Variants in LRRC7 observed in about 807,000 individuals in gnomAD.
The protein encoded by LRRC7 is leucine rich repeat containing 7, also known as leucine-rich repeat-containing protein 7.
In LRRC7, 23 loss-of-function variants were observed where a neutral mutation model predicts 175.7. That is an observed-to-expected ratio of 0.13 (90% CI 0.09 to 0.19). LRRC7 has a LOEUF of 0.19. Ranked by LOEUF, LRRC7 falls within the 10% of genes least tolerant of loss-of-function variation. LRRC7 has a pLI of 1.00. For missense variants in LRRC7, 1,354 were observed against 1,904.7 expected, an observed-to-expected ratio of 0.71 and a Z score of 5.38; for synonymous variants, 685 against 680.9, an observed-to-expected ratio of 1.01 and a Z score of -0.09.
At chr1:69,712,822 G>T (rs1411072649) in intron 2 of LRRC7, among the ~76,000 whole-genome samples, 2 of 152,132 alleles carry the variant, frequency 1.3e-5, no homozygotes, top group Non-Finnish European at 2.9e-5. Flanking sequence ...AAGGAGTGGG[G>T]TGATGATGTC....
chr1:69,780,949 A>G (rs191879104), intron 3 of LRRC7, among the ~76,000 whole-genome samples: 114 of 152,272 alleles, frequency 7.5e-4, no homozygotes, highest in African/African-American at 2.4e-3. Context: ...ATTCGCACAC[A>G]ACTAATACTT....
intron 1 of LRRC7, among the ~76,000 whole-genome samples, chr1:69,662,946 G>C (rs1475211439): frequency 2.0e-5 from 3 of 152,158 alleles, no homozygotes; most frequent in South Asian, 2.1e-4. Context: ...CTTGAATTCA[G>C]AGCCAAATAA....
At chr1:69,855,423 T>C (rs1376619618) in intron 7 of LRRC7, among the ~76,000 whole-genome samples, 3 of 152,194 alleles carry the variant, frequency 2.0e-5, no homozygotes, top group Non-Finnish European at 4.4e-5. Context: ...AGTTTCCATG[T>C]AGTTGAGCGG....
chr1:69,901,241 G>T (rs1216934044), intron 7 of LRRC7, among the ~76,000 whole-genome samples: 2 of 152,110 alleles, frequency 1.3e-5, no homozygotes, highest in Non-Finnish European at 2.9e-5. Context: ...CAGTGGCAGA[G>T]GGGATGAAAA....
At chr1:70,061,977 G>A (rs970938) in intron 23 of LRRC7, among the ~76,000 whole-genome samples, 3,704 of 152,232 alleles carry the variant, frequency 0.024, 177 homozygotes, top group African/African-American at 0.086. Flanking sequence ...TCCAAGTTAG[G>A]ACAGGTTAGG....
chr1:69,621,337 C>T (rs752255381), intron 1 of LRRC7, among the ~76,000 whole-genome samples: 8 of 152,160 alleles, frequency 5.3e-5, no homozygotes, highest in Non-Finnish European at 1.2e-4. Flanking sequence ...TGAGCCACCG[C>T]ACCCAGCCTC....
At chr1:69,747,576 C>A (rs1669393274) in intron 2 of LRRC7, among the ~76,000 whole-genome samples, 1 of 152,122 alleles carries the variant, frequency 6.6e-6, no homozygotes, top group Non-Finnish European at 1.5e-5. Flanking sequence ...TCTGAGCATG[C>A]TTTTTTCATT....
intron 2 of LRRC7, among the ~76,000 whole-genome samples, chr1:69,707,764 T>TA (rs955171361): frequency 7.9e-5 from 12 of 152,276 alleles, no homozygotes. Flanking sequence ...TAGGTAAAGT[T>TA]AGAGTCATAG....
At chr1:69,908,452 G>T (rs1646401299) in intron 7 of LRRC7, among the ~76,000 whole-genome samples, 1 of 151,818 alleles carries the variant, frequency 6.6e-6, no homozygotes, top group African/African-American at 2.4e-5. Flanking sequence ...CAGAGATTCT[G>T]GTATGTTGTG....
At chr1:69,909,526 A>ATT (rs1228510574) in intron 7 of LRRC7, among the ~76,000 whole-genome samples, 1 of 151,990 alleles carries the variant, frequency 6.6e-6, no homozygotes, top group Non-Finnish European at 1.5e-5. Context: ...TCCTTCACTT[A>ATT]TGAAGCTTAG....
chr1:69,993,362 C>G (rs977031071), intron 10 of LRRC7, among the ~76,000 whole-genome samples: 2 of 152,134 alleles, frequency 1.3e-5, no homozygotes, highest in African/African-American at 4.8e-5. Context: ...GAATACATAA[C>G]AGAGCATACT....
chr1:69,835,732 T>C (rs1681026612), intron 6 of LRRC7, among the ~76,000 whole-genome samples: 1 of 152,032 alleles, frequency 6.6e-6, no homozygotes, highest in South Asian at 2.1e-4. Flanking sequence ...AAGTTTATTG[T>C]TATTTACAAT....
chr1:69,893,367 T>A (rs1322074439), intron 7 of LRRC7, among the ~76,000 whole-genome samples: 2 of 152,212 alleles, frequency 1.3e-5, no homozygotes, highest in African/African-American at 2.4e-5. Context: ...AACAATGCTT[T>A]CAAAAATATG....
intron 2 of LRRC7, among the ~76,000 whole-genome samples, chr1:69,739,269 A>G (rs1198428174): frequency 6.6e-6 from 1 of 152,050 alleles, no homozygotes; most frequent in Non-Finnish European, 1.5e-5. Context: ...TACAAACCAT[A>G]CAGTTTTTCC....
chr1:69,995,156 C>T (rs993801192), intron 11 of LRRC7, among the ~76,000 whole-genome samples: 1 of 152,020 alleles, frequency 6.6e-6, no homozygotes, highest in African/African-American at 2.4e-5. Flanking sequence ...CTAACATTGC[C>T]TTTTAAAGAT....
intron 7 of LRRC7, among the ~76,000 whole-genome samples, chr1:69,853,270 C>CTTTTTTTTT (rs1163071175): frequency 7.5e-4 from 66 of 88,002 alleles, no homozygotes; most frequent in Non-Finnish European, 9.8e-4. Flanking sequence ...TCCTTTCTTT[C>CTTTTTTTTT]TTTTTTTTTT....
intron 3 of LRRC7, among the ~76,000 whole-genome samples, chr1:69,770,014 G>A (rs1672048050): frequency 6.6e-6 from 1 of 152,132 alleles, no homozygotes; most frequent in African/African-American, 2.4e-5. Context: ...CAGGAACCAA[G>A]AGAGTTCTAG....
chr1:69,908,757 G>A (rs1254036868), intron 7 of LRRC7, among the ~76,000 whole-genome samples: 9 of 132,852 alleles, frequency 6.8e-5, no homozygotes, highest in African/African-American at 2.7e-4. Flanking sequence ...TTGATTTGGG[G>A]TGGAGAGTTC....
Position 69,753,290 on chromosome 1 carries a change from G to A in LRRC7, c.101-6901G>A, listed in dbSNP as rs574812208. On this transcript the variant is annotated intron_variant, in intron 2 of 26. Coordinates refer to ENST00000651989, the MANE Select transcript of LRRC7 (RefSeq NM_001370785.2). ...CTTTACATAAATCATTGTCGTGTGT[G>A]TGTGTATGTGTGTGTGTGTGTGTGT... Among the ~76,000 whole-genome samples, 78 of 123,858 alleles carry A rather than the reference G, an allele frequency of 6.3e-4. No individual in the cohort carries two copies. The South Asian group carries it at 0.011, about 18-fold the overall frequency. The allele number at this position is 123,858 out of a possible 152,430, so 81.3% of individuals were successfully genotyped here.
Sources: allele counts gnomAD v4.1 joint callset (sites outside exome capture counted in the v4.1 genomes callset), GRCh38; gene constraint gnomAD v4.1.1; transcripts MANE v1.5; gene names NCBI Gene and HGNC (gene_info 2026-07-23, HGNC 2026-07-21).